Variants in ZC3H4 observed in about 807,000 individuals in gnomAD.
The protein encoded by ZC3H4 is zinc finger CCCH domain-containing protein 4.
A neutral mutation model predicts 108.3 loss-of-function variants in ZC3H4; 13 were observed. That is an observed-to-expected ratio of 0.12 (90% CI 0.08 to 0.19). The LOEUF is 0.19. Ranked by LOEUF, ZC3H4 falls within the 10% of genes least tolerant of loss-of-function variation. ZC3H4 has a pLI of 1.00. For missense variants in ZC3H4, 1,734 were observed against 1,838.8 expected, an observed-to-expected ratio of 0.94 and a Z score of 1.04; for synonymous variants, 917 against 749.6, an observed-to-expected ratio of 1.22 and a Z score of -3.65.
intron 2 of ZC3H4, among the ~76,000 whole-genome samples, chr19:47,098,644 G>A (rs147001675): frequency 6.6e-6 from 1 of 152,006 alleles, no homozygotes; most frequent in African/African-American, 2.4e-5. Flanking sequence ...GGTGCCTGTA[G>A]CCCCAGCTAC....
In ZC3H4 at chr19:47,064,541, C is replaced by T. The variant is rs960143616; in HGVS notation, c.*1815G>A. On this transcript the variant is annotated 3_prime_UTR_variant, in exon 15 of 15. Coordinates refer to ENST00000253048, the MANE Select transcript of ZC3H4 (RefSeq NM_015168.2). The stretch of plus-strand genomic sequence containing the variant: ...CAGCTTCTATTTCATCCACAGATTT[C>T]GGTTTAAAAAATATTTTTCTTTTAC... 3 of 152,242 alleles carry T rather than the reference C, an allele frequency of 2.0e-5. No individual in the cohort carries two copies. Among genetic ancestry groups the T allele is most frequent in the Non-Finnish European group, 4.4e-5 (3 of 67,984 alleles). 9.4% of individuals were successfully genotyped at this position (152,242 alleles called of 1,614,324 possible).
chr19:47,071,896 A>G lies in ZC3H4; in HGVS notation c.2028T>C (p.Pro676=), dbSNP rs199549518. 142 of 1,612,130 alleles carry G rather than the reference A, an allele frequency of 8.8e-5. No homozygotes were observed. In the East Asian group the frequency reaches 3.1e-3, roughly 35 times the overall value. Reference sequence around the variant, plus strand: ...TCATTCCAGAATGTGGGGAGTCTCCAGGGCCGTAGGGCATCATTGGAGGGC... The same window carrying G: ...TCATTCCAGAATGTGGGGAGTCTCCGGGGCCGTAGGGCATCATTGGAGGGC... ...PGGPPMMPYG[P]GDSPHSGMMP... Residue 676 remains proline, a synonymous_variant, in exon 13 of 15, where the codon CCT becomes CCC. Coordinates refer to ENST00000253048, the MANE Select transcript of ZC3H4 (RefSeq NM_015168.2).
chr19:47,072,830 C>G lies in ZC3H4; in HGVS notation c.1441-117G>C. ...GTCCATAATACAAGGACCTTGAGAT[C>G]TAAAGGCATAAAGACCACAATGGCT... is the stretch of plus-strand genomic sequence containing the variant. On this transcript the variant is annotated intron_variant, in intron 11 of 14. Transcript: ENST00000253048. This position sits in a 1 kb window ranked among gnomAD's most constrained non-coding sequence, Gnocchi z 5.6. The G allele has an allele frequency of 8.1e-7, 1 of 1,227,880 alleles. No homozygotes were observed. Among genetic ancestry groups the G allele is most frequent in the Non-Finnish European group, 1.1e-6 (1 of 889,952 alleles). 76.1% of individuals were successfully genotyped at this position (1,227,880 alleles called of 1,614,324 possible).
intron 10 of ZC3H4, 62 bp from the exon 11 acceptor site, chr19:47,081,684 C>T: frequency 7.2e-7 from 1 of 1,392,826 alleles, no homozygotes. Flanking sequence ...CCACCACAGA[C>T]CCAAGGCAGA....
intron 2 of ZC3H4, among the ~76,000 whole-genome samples, chr19:47,109,633 C>A (rs1413550990): frequency 1.3e-5 from 2 of 152,186 alleles, no homozygotes; most frequent in Non-Finnish European, 2.9e-5. Flanking sequence ...ACTGATTTTA[C>A]ATACCTAGGA....
At chr19:47,110,464 T>C (rs923534945) in intron 2 of ZC3H4, among the ~76,000 whole-genome samples, 1 of 152,102 alleles carries the variant, frequency 6.6e-6, no homozygotes, top group African/African-American at 2.4e-5. Flanking sequence ...ATTTTAAAAA[T>C]TAAACATTGA....
At position 47,099,436 on chromosome 19, in the gene ZC3H4, G is replaced by T. The variant is rs182962764; in HGVS notation, c.162-4828C>A. Among the ~76,000 whole-genome samples, 11 of 151,180 alleles carry T rather than the reference G, an allele frequency of 7.3e-5. No homozygotes were observed. In the East Asian group the frequency reaches 2.1e-3, roughly 29 times the overall value. ...ATCACGCCACTACACTCCAGCCTGG[G>T]CAACAAGAGTGAAACTCCGTCTCAA... On this transcript the variant is annotated intron_variant, in intron 2 of 14. Transcript: ENST00000253048.
Position 47,112,429 on chromosome 19 carries a change from G to C in ZC3H4, c.156C>G (p.Asp52Glu). Residue 52 changes from aspartate to glutamate, a missense_variant, in exon 2 of 15, where the codon GAC becomes GAG. Coordinates refer to ENST00000253048, the MANE Select transcript of ZC3H4 (RefSeq NM_015168.2). ...HLLHHRLPLP[D>E]DREDGELEEG... is the part of the protein sequence containing the mutation. ...GGCCCAACCGGGGGCCTGACCTGTCGTCAGGGAGCGGGAGGCGGTGGTGGA... is the reference window on the plus strand; with the variant it reads ...GGCCCAACCGGGGGCCTGACCTGTCCTCAGGGAGCGGGAGGCGGTGGTGGA... 4 of 1,235,444 alleles carry C rather than the reference G, an allele frequency of 3.2e-6. No homozygotes were observed. Among genetic ancestry groups the C allele is most frequent in the Non-Finnish European group, 4.0e-6 (4 of 987,662 alleles). The allele number at this position is 1,235,444 out of a possible 1,614,324, so 76.5% of individuals were successfully genotyped here.
chr19:47,104,919 G>C (rs2057949463), intron 2 of ZC3H4, among the ~76,000 whole-genome samples: 1 of 152,186 alleles, frequency 6.6e-6, no homozygotes, highest in Admixed American at 6.5e-5. Context: ...GGATGTAATG[G>C]CCATGATCCA....
intron 3 of ZC3H4, 90 bp from the exon 4 acceptor site, chr19:47,094,170 G>A (rs2057784337): frequency 1.5e-6 from 2 of 1,335,792 alleles, no homozygotes; most frequent in South Asian, 1.2e-5. Context: ...GCTGGCATGT[G>A]CCGCAGGGCT....
Position 47,066,115 on chromosome 19 carries a change from T to G in ZC3H4, c.*241A>C. 2 of 377,276 alleles carry G rather than the reference T, an allele frequency of 5.3e-6. No homozygotes were observed. Among genetic ancestry groups the G allele is most frequent in the Non-Finnish European group, 9.4e-6 (2 of 212,136 alleles). 23.4% of individuals were successfully genotyped at this position (377,276 alleles called of 1,614,324 possible). ...ACAGGTTTGCGGGCATGAGTCGGTT[T>G]GCTCAGCAGGAGCCCCTGAGCCCGC... On this transcript the variant is annotated 3_prime_UTR_variant, in exon 15 of 15. Coordinates refer to ENST00000253048, the MANE Select transcript of ZC3H4 (RefSeq NM_015168.2).
chr19:47,069,775 T>C (rs1304286083), intron 13 of ZC3H4, among the ~76,000 whole-genome samples: 1 of 152,164 alleles, frequency 6.6e-6, no homozygotes, highest in Non-Finnish European at 1.5e-5. Context: ...GGAAACACCA[T>C]GCATCTCATA....
chr19:47,080,779 T>TG (rs1429714034), intron 11 of ZC3H4, among the ~76,000 whole-genome samples: 2 of 151,956 alleles, frequency 1.3e-5, no homozygotes, highest in African/African-American at 4.8e-5. Context: ...ACTACACGCA[T>TG]GTGCCACCAC....
chr19:47,091,926 C>T (rs889090663), intron 4 of ZC3H4, among the ~76,000 whole-genome samples: 5 of 151,620 alleles, frequency 3.3e-5, no homozygotes, highest in Non-Finnish European at 7.4e-5. Context: ...ATAAAAAAGT[C>T]GGCTGCGCAT....
chr19:47,095,834 A>T (rs2057811813), intron 2 of ZC3H4, among the ~76,000 whole-genome samples: 1 of 152,220 alleles, frequency 6.6e-6, no homozygotes, highest in Admixed American at 6.5e-5. Context: ...GCGTGAGAGC[A>T]TCCAACTCCT....
chr19:47,092,434 T>C (rs2057749142), intron 4 of ZC3H4, among the ~76,000 whole-genome samples: 1 of 152,206 alleles, frequency 6.6e-6, no homozygotes, highest in Non-Finnish European at 1.5e-5. Context: ...ATCTCAACTA[T>C]GGTATTGGAC....
chr19:47,077,069 A>C (rs562145356), intron 11 of ZC3H4, among the ~76,000 whole-genome samples: 30 of 152,302 alleles, frequency 2.0e-4, no homozygotes, highest in Admixed American at 3.9e-4. Context: ...CAAGAGGCAG[A>C]GAACTGCTTG....
At chr19:47,111,387 G>T (rs1363942595) in intron 2 of ZC3H4, among the ~76,000 whole-genome samples, 3 of 152,174 alleles carry the variant, frequency 2.0e-5, no homozygotes, top group Non-Finnish European at 4.4e-5. Context: ...TAAAGAGAAG[G>T]GGGCGCTTCC....
chr19:47,075,321 G>A (rs891082228), intron 11 of ZC3H4, among the ~76,000 whole-genome samples: 7 of 152,160 alleles, frequency 4.6e-5, no homozygotes, highest in African/African-American at 1.7e-4. Context: ...GAGCCTTGCT[G>A]GGAGGGCCCA....
Sources: allele counts gnomAD v4.1 joint callset (sites outside exome capture counted in the v4.1 genomes callset), GRCh38; gene constraint gnomAD v4.1.1; non-coding constraint Gnocchi (gnomAD v3.1); transcripts MANE v1.5; gene names NCBI Gene and HGNC (gene_info 2026-07-23, HGNC 2026-07-21).